The following KIF6 variants were observed in gnomAD, a reference collection of about 807,000 sequenced individuals.
The protein encoded by KIF6 is kinesin family member 6, also known as kinesin-like protein KIF6.
A neutral mutation model predicts 112.7 loss-of-function variants in KIF6; 106 were observed. The ratio of observed to expected loss-of-function variants is 0.94; its 90% CI spans 0.80 to 1.11. KIF6 has a LOEUF of 1.11. KIF6 is among the 50% of genes least tolerant of loss of function. The pLI, the probability that KIF6 is intolerant of heterozygous loss-of-function variation, is 0.00. For missense variants in KIF6, 929 were observed against 964.0 expected (o/e 0.96, Z 0.48); for synonymous variants, 339 against 339.9 (o/e 1.00, Z 0.03).
intron 16 of KIF6, among the ~76,000 whole-genome samples, chr6:39,377,913 T>C (rs114005789): frequency 0.028 from 4,261 of 152,024 alleles, 194 homozygotes; most frequent in African/African-American, 0.096. Flanking sequence ...CCTGGGGCAG[T>C]GAGAAGAGGG....
chr6:39,503,839 C>A (rs1776275632), intron 13 of KIF6, among the ~76,000 whole-genome samples: 1 of 143,486 alleles, frequency 7.0e-6, no homozygotes. Context: ...AATAGCCTAC[C>A]AACCAACCAG....
chr6:39,678,087 C>A (rs1006590160), intron 3 of KIF6, among the ~76,000 whole-genome samples: 2 of 151,432 alleles, frequency 1.3e-5, no homozygotes, highest in Non-Finnish European at 2.9e-5. Flanking sequence ...AAATGCAAAT[C>A]AAAACCACTA....
intron 6 of KIF6, among the ~76,000 whole-genome samples, chr6:39,597,508 C>T (rs1434255177): frequency 1.3e-5 from 2 of 152,028 alleles, no homozygotes; most frequent in Non-Finnish European, 2.9e-5. Context: ...GACATCATAC[C>T]ACAGCAAAGA....
At chr6:39,568,512 G>A (rs1437442707) in intron 10 of KIF6, among the ~76,000 whole-genome samples, 2 of 151,996 alleles carry the variant, frequency 1.3e-5, no homozygotes, top group African/African-American at 4.8e-5. Context: ...AAGAAATTAG[G>A]CACAAACTTT....
At chr6:39,446,043 T>C (rs1311256439) in intron 13 of KIF6, among the ~76,000 whole-genome samples, 1 of 152,178 alleles carries the variant, frequency 6.6e-6, no homozygotes, top group Non-Finnish European at 1.5e-5. Context: ...TTTCCTTTAG[T>C]GTAACAGCAG....
chr6:39,622,335 T>G (rs1292665222), intron 5 of KIF6, among the ~76,000 whole-genome samples: 1 of 151,804 alleles, frequency 6.6e-6, no homozygotes, highest in Non-Finnish European at 1.5e-5. Flanking sequence ...ATGTGCTTGC[T>G]TTTTAACTTT....
chr6:39,345,302 C>T (rs1763614994), intron 21 of KIF6, among the ~76,000 whole-genome samples: 1 of 152,198 alleles, frequency 6.6e-6, no homozygotes, highest in Non-Finnish European at 1.5e-5. Flanking sequence ...CCGGAGGATA[C>T]AAATGCCCAT....
intron 13 of KIF6, among the ~76,000 whole-genome samples, chr6:39,488,000 T>TCTATCTAC (rs1166981488): frequency 6.6e-6 from 1 of 151,948 alleles, no homozygotes; most frequent in Non-Finnish European, 1.5e-5. Flanking sequence ...CATCTATCTA[T>TCTATCTAC]CTATCTATCT....
intron 16 of KIF6, among the ~76,000 whole-genome samples, chr6:39,365,569 T>C (rs1006565866): frequency 6.6e-6 from 1 of 152,230 alleles, no homozygotes; most frequent in Admixed American, 6.5e-5. Flanking sequence ...CATGATAAAC[T>C]GAAGGAAGTA....
At chr6:39,509,164 A>G (rs540974605) in intron 13 of KIF6, among the ~76,000 whole-genome samples, 24 of 152,174 alleles carry the variant, frequency 1.6e-4, no homozygotes, top group Non-Finnish European at 2.8e-4. Context: ...AAACTAACAA[A>G]CAGAAAGGAA....
At chr6:39,639,319 T>C (rs761768006) in intron 4 of KIF6, among the ~76,000 whole-genome samples, 4 of 152,058 alleles carry the variant, frequency 2.6e-5, no homozygotes, top group Non-Finnish European at 4.4e-5. Context: ...GAATATAAGA[T>C]ATTAGTTGGT....
chr6:39,688,262 T>C (rs1279744999), intron 3 of KIF6, among the ~76,000 whole-genome samples: 1 of 152,106 alleles, frequency 6.6e-6, no homozygotes, highest in Non-Finnish European at 1.5e-5. Flanking sequence ...GGCAGGTTAC[T>C]GAGCCCACAC....
chr6:39,724,720 C>A (rs1183313110), intron 1 of KIF6, among the ~76,000 whole-genome samples: 1 of 152,208 alleles, frequency 6.6e-6, no homozygotes, highest in African/African-American at 2.4e-5. Flanking sequence ...ATTACTGAGG[C>A]CCCACTGGGT....
At chr6:39,419,690 T>C (rs1040393458) in intron 15 of KIF6, among the ~76,000 whole-genome samples, 5 of 152,126 alleles carry the variant, frequency 3.3e-5, no homozygotes, top group Non-Finnish European at 5.9e-5. Context: ...AAAGCACAAC[T>C]CTCTGATTGG....
At chr6:39,353,124 G>T (rs1764384262) in intron 19 of KIF6, among the ~76,000 whole-genome samples, 1 of 152,150 alleles carries the variant, frequency 6.6e-6, no homozygotes, top group Non-Finnish European at 1.5e-5. Context: ...AGCTTTGCAA[G>T]AATCCATCAA....
chr6:39,458,706 C>G (rs1348404379), intron 13 of KIF6, among the ~76,000 whole-genome samples: 1 of 91,794 alleles, frequency 1.1e-5, no homozygotes, highest in African/African-American at 4.4e-5. Flanking sequence ...ACAAAAATCA[C>G]AAGCATTCTT....
chr6:39,392,739 C>T (rs908551668), intron 15 of KIF6, among the ~76,000 whole-genome samples: 6 of 152,064 alleles, frequency 3.9e-5, no homozygotes, highest in African/African-American at 1.4e-4. Context: ...GAAAGCAAGA[C>T]ATAAAAATGG....
intron 15 of KIF6, among the ~76,000 whole-genome samples, chr6:39,413,277 T>A (rs1313474204): frequency 6.6e-6 from 1 of 152,196 alleles, no homozygotes; most frequent in Non-Finnish European, 1.5e-5. Flanking sequence ...AAGAACTACC[T>A]CCCATTGCTT....
At chr6:39,337,144 CT>C (rs879723794) in intron 22 of KIF6, among the ~76,000 whole-genome samples, 4,807 of 112,002 alleles carry the variant, frequency 0.043, 427 homozygotes, top group East Asian at 0.048. Flanking sequence ...TCCTTCCTTC[CT>C]TTCTCTTTCT....
Sources: allele counts gnomAD v4.1 joint callset (sites outside exome capture counted in the v4.1 genomes callset), GRCh38; gene constraint gnomAD v4.1.1; transcripts MANE v1.5; gene names NCBI Gene and HGNC (gene_info 2026-07-23, HGNC 2026-07-21).